UCK2: variants seen among roughly 807,000 people sequenced by gnomAD.
UCK2 encodes uridine-cytidine kinase 2.
Under a neutral mutation model 30.8 loss-of-function variants are expected in UCK2, and 6 were observed. That is an observed-to-expected ratio of 0.19 (90% CI 0.11 to 0.38). UCK2 has a LOEUF of 0.38. UCK2 is among the 10% of genes least tolerant of loss of function. The pLI, the probability that UCK2 is intolerant of heterozygous loss-of-function variation, is 1.00. For synonymous variants in UCK2, 125 were observed against 133.6 expected (o/e 0.94, Z 0.45); for missense variants, 210 against 339.8 (o/e 0.62, Z 3.00).
At chr1:165,876,685 C>T (rs1403705174) in intron 1 of UCK2, among the ~76,000 whole-genome samples, 1 of 152,172 alleles carries the variant, frequency 6.6e-6, no homozygotes, top group Non-Finnish European at 1.5e-5. Flanking sequence ...CAAATTACTA[C>T]AATCTTGATG....
At chr1:165,855,020 A>G (rs1233410885) in intron 1 of UCK2, among the ~76,000 whole-genome samples, 1 of 152,234 alleles carries the variant, frequency 6.6e-6, no homozygotes, top group African/African-American at 2.4e-5. Flanking sequence ...AGAGGGACAT[A>G]TTCTGTAAAG....
At position 165,844,586 on chromosome 1, in the gene UCK2, G is replaced by T. The variant is rs1471082826; in HGVS notation, c.99+16654G>T. Among the ~76,000 whole-genome samples the T allele has an allele frequency of 3.3e-5, 5 of 152,178 alleles. No homozygotes were observed. The South Asian group carries it at 1.0e-3, about 31-fold the overall frequency. On this transcript the variant is annotated intron_variant, in intron 1 of 6. Transcript: ENST00000367879. ...ACAAGATAACTGTGGTGGGCTCCTG[G>T]ATAGCCAGGATGGTGGCTGGTTGCT...
chr1:165,837,904 C>A (rs1654235076), intron 1 of UCK2, among the ~76,000 whole-genome samples: 2 of 152,178 alleles, frequency 1.3e-5, no homozygotes, highest in Admixed American at 1.3e-4. Context: ...CTTCATCTTT[C>A]TAGTTGCTCA....
chr1:165,836,770 C>T (rs1004049485), intron 1 of UCK2, among the ~76,000 whole-genome samples: 4 of 152,172 alleles, frequency 2.6e-5, no homozygotes, highest in Non-Finnish European at 5.9e-5. Context: ...TTCATGTACC[C>T]TAGTTTGAAG....
intron 1 of UCK2, among the ~76,000 whole-genome samples, chr1:165,866,420 C>G (rs185473474): frequency 1.0e-3 from 155 of 152,198 alleles, no homozygotes; most frequent in African/African-American, 3.6e-3. Flanking sequence ...GGGCTTGGCA[C>G]TGGAATAAGT....
At chr1:165,856,389 A>G (rs1417487145) in intron 1 of UCK2, among the ~76,000 whole-genome samples, 3 of 149,592 alleles carry the variant, frequency 2.0e-5, no homozygotes, top group Non-Finnish European at 3.0e-5. Flanking sequence ...AGCTCCTGGT[A>G]TTTTGGGTAT....
chr1:165,840,298 A>G (rs1654297156), intron 1 of UCK2, among the ~76,000 whole-genome samples: 2 of 152,268 alleles, frequency 1.3e-5, no homozygotes, highest in African/African-American at 4.8e-5. Flanking sequence ...TGGTGTGCCC[A>G]TTAATGTTTT....
At chr1:165,888,578 C>T (rs1655680769) in intron 1 of UCK2, among the ~76,000 whole-genome samples, 1 of 151,826 alleles carries the variant, frequency 6.6e-6, no homozygotes, top group South Asian at 2.1e-4. Flanking sequence ...GTGAGCTACC[C>T]TGCCTGGCCT....
intron 1 of UCK2, among the ~76,000 whole-genome samples, chr1:165,882,867 G>A (rs1288569540): frequency 6.6e-6 from 1 of 151,982 alleles, no homozygotes; most frequent in Middle Eastern, 3.4e-3. Context: ...GCTCTGTCAC[G>A]AGGCTGGAGT....
At chr1:165,876,022 A>T (rs1655324824) in intron 1 of UCK2, among the ~76,000 whole-genome samples, 1 of 152,206 alleles carries the variant, frequency 6.6e-6, no homozygotes, top group Non-Finnish European at 1.5e-5. Flanking sequence ...ACATTATCAC[A>T]AAAGACTGTA....
intron 1 of UCK2, among the ~76,000 whole-genome samples, chr1:165,866,176 C>A (rs539938933): frequency 6.6e-6 from 1 of 152,292 alleles, no homozygotes; most frequent in East Asian, 1.9e-4. Flanking sequence ...GTAAACACCT[C>A]TTAGGAGGCT....
In UCK2 at chr1:165,908,067, C is replaced by T; in HGVS notation, c.*244C>T. 1 of 448,772 alleles carries T rather than the reference C, an allele frequency of 2.2e-6. No individual in the cohort carries two copies. Among genetic ancestry groups the T allele is most frequent in the African/African-American group, 2.0e-5 (1 of 50,966 alleles). The allele number at this position is 448,772 out of a possible 1,614,324, so 27.8% of individuals were successfully genotyped here. On this transcript the variant is annotated 3_prime_UTR_variant, in exon 7 of 7. Coordinates refer to ENST00000367879, the MANE Select transcript of UCK2 (RefSeq NM_012474.5). The stretch of plus-strand genomic sequence containing the variant: ...TACTGGTGATGCCTAATTATGAATC[C>T]AACGTGTAACCAGTTATAAATACAT...
chr1:165,887,536 T>TA (rs1475767017), intron 1 of UCK2, among the ~76,000 whole-genome samples: 1 of 152,210 alleles, frequency 6.6e-6, no homozygotes, highest in Non-Finnish European at 1.5e-5. Flanking sequence ...TAAATAAAAA[T>TA]ATCACAATTT....
chr1:165,883,699 T>C (rs1268076329), intron 1 of UCK2, among the ~76,000 whole-genome samples: 3 of 152,188 alleles, frequency 2.0e-5, no homozygotes, highest in Non-Finnish European at 2.9e-5. Context: ...TCTGGGGCCA[T>C]GCATGACTTC....
chr1:165,870,197 C>T (rs1261142842), intron 1 of UCK2, among the ~76,000 whole-genome samples: 1 of 112,694 alleles, frequency 8.9e-6, no homozygotes, highest in Non-Finnish European at 1.7e-5. Context: ...AAAGGTCTAA[C>T]TTCATTTTTT....
intron 1 of UCK2, among the ~76,000 whole-genome samples, chr1:165,850,868 CGCCTCG>C (rs1654577205): frequency 6.7e-6 from 1 of 150,306 alleles, no homozygotes. Flanking sequence ...GTGATCCACC[CGCCTCG>C]GCCTCCCAAA....
At chr1:165,888,620 G>T (rs549423005) in intron 1 of UCK2, among the ~76,000 whole-genome samples, 42 of 145,114 alleles carry the variant, frequency 2.9e-4, no homozygotes, top group African/African-American at 1.1e-3. Context: ...TATTTATTCG[G>T]TTGACCAGTT....
intron 1 of UCK2, among the ~76,000 whole-genome samples, chr1:165,831,176 C>G (rs184331431): frequency 6.6e-5 from 10 of 151,542 alleles, no homozygotes; most frequent in Admixed American, 1.3e-4. Flanking sequence ...CTTTGGGAGG[C>G]CAAGGAAGGA....
At chr1:165,886,257 C>G (rs533060368) in intron 1 of UCK2, among the ~76,000 whole-genome samples, 1 of 152,222 alleles carries the variant, frequency 6.6e-6, no homozygotes, top group African/African-American at 2.4e-5. Flanking sequence ...TTCTCAAACC[C>G]TGGTTATTGG....
Sources: allele counts gnomAD v4.1 joint callset (sites outside exome capture counted in the v4.1 genomes callset), GRCh38; gene constraint gnomAD v4.1.1; transcripts MANE v1.5; gene names NCBI Gene and HGNC (gene_info 2026-07-23, HGNC 2026-07-21).